Variants in ANK3 observed in about 807,000 individuals in gnomAD.
ANK3 encodes the protein ankyrin-3.
Under a neutral mutation model 370.9 loss-of-function variants are expected in ANK3, and 57 were observed. The observed-to-expected ratio is 0.15, with a 90% CI of 0.12 to 0.19. ANK3 has a LOEUF of 0.19. ANK3 is among the 10% of genes least tolerant of loss of function. ANK3 has a pLI of 1.00. For synonymous variants in ANK3, 1,929 were observed against 1,946.3 expected (o/e 0.99, Z 0.23); for missense variants, 4,439 against 5,302.1 (o/e 0.84, Z 5.06).
chr10:60,628,322 T>C (rs2078437817), intron 1 of ANK3, among the ~76,000 whole-genome samples: 3 of 152,308 alleles, frequency 2.0e-5, no homozygotes, highest in Middle Eastern at 3.4e-3. Flanking sequence ...TTTTATGACC[T>C]GACAACATCA....
intron 1 of ANK3, among the ~76,000 whole-genome samples, chr10:60,309,258 G>T (rs1188472571): frequency 2.6e-5 from 4 of 152,156 alleles, no homozygotes; most frequent in African/African-American, 9.7e-5. Context: ...ATCAAACTGT[G>T]CTCAGTGTAG....
chr10:60,167,779 G>T (rs1160746617), intron 21 of ANK3, among the ~76,000 whole-genome samples: 1 of 151,972 alleles, frequency 6.6e-6, no homozygotes, highest in Non-Finnish European at 1.5e-5. Flanking sequence ...CTAAAAAAAG[G>T]TACAAATTCA....
intron 2 of ANK3, among the ~76,000 whole-genome samples, chr10:60,395,624 C>CTTTCGT (rs60220666): frequency 0.037 from 2,257 of 60,276 alleles, 58 homozygotes; most frequent in African/African-American, 0.086. Flanking sequence ...TTCGTTCTCT[C>CTTTCGT]TCTCTCTCTC....
chr10:60,729,666 C>T (rs2079992880), intron 1 of ANK3, among the ~76,000 whole-genome samples: 1 of 152,138 alleles, frequency 6.6e-6, no homozygotes, highest in Non-Finnish European at 1.5e-5. Context: ...AGCTCTAACT[C>T]CAAACACTAG....
intron 7 of ANK3, among the ~76,000 whole-genome samples, chr10:60,246,117 A>G (rs1038168785): frequency 3.9e-5 from 6 of 152,038 alleles, no homozygotes; most frequent in African/African-American, 7.2e-5. Context: ...TTAGCCAGGC[A>G]TGGTGGTGTG....
At chr10:60,352,758 T>C (rs1188222316) in intron 1 of ANK3, among the ~76,000 whole-genome samples, 1 of 152,220 alleles carries the variant, frequency 6.6e-6, no homozygotes, top group Non-Finnish European at 1.5e-5. Flanking sequence ...TGTTGAGCCA[T>C]TTACTTTTCT....
intron 4 of ANK3, among the ~76,000 whole-genome samples, chr10:60,272,141 C>G: frequency 6.8e-6 from 1 of 148,114 alleles, no homozygotes; most frequent in Non-Finnish European, 1.5e-5. Flanking sequence ...GCCCATAGGT[C>G]CGTGTGTCTT....
intron 42 of ANK3, 67 bp from the exon 43 acceptor site, chr10:60,042,826 T>C: frequency 6.3e-7 from 1 of 1,590,818 alleles, no homozygotes; most frequent in Non-Finnish European, 8.5e-7. Flanking sequence ...CAGTCCATTC[T>C]GATCCTTGGA....
intron 2 of ANK3, among the ~76,000 whole-genome samples, chr10:60,576,575 C>A (rs377655141): frequency 1.3e-5 from 2 of 152,208 alleles, no homozygotes; most frequent in African/African-American, 4.8e-5. Flanking sequence ...AGCAGAAATG[C>A]CTATATGAAT....
chr10:60,308,731 G>A lies in ANK3; in HGVS notation c.115-29092C>T, dbSNP rs768594179. On this transcript the variant is annotated intron_variant, in intron 1 of 43. Coordinates refer to ENST00000280772, the MANE Select transcript of ANK3 (RefSeq NM_020987.5). ...CAGCCCCTACCATCCAAAACCCAGC[G>A]ATACACTGTCTAGGCAGGGGCACAT... Among the ~76,000 whole-genome samples the A allele has an allele frequency of 1.2e-3, 177 of 152,160 alleles. 1 individual carries two copies. The Middle Eastern group carries it at 0.017, about 15-fold the overall frequency.
At chr10:60,492,892 C>T (rs1323262406) in intron 2 of ANK3, among the ~76,000 whole-genome samples, 23 of 147,514 alleles carry the variant, frequency 1.6e-4, no homozygotes, top group South Asian at 8.9e-4. Context: ...CTGGTTAACA[C>T]GGTGAAACCC....
At chr10:60,548,398 T>G (rs188627739) in intron 2 of ANK3, among the ~76,000 whole-genome samples, 61 of 151,706 alleles carry the variant, frequency 4.0e-4, no homozygotes, top group Non-Finnish European at 8.1e-4. Flanking sequence ...GCGTGTTTTT[T>G]TTGTTGTTGT....
intron 8 of ANK3, among the ~76,000 whole-genome samples, chr10:60,226,368 G>GTATATGTAATACTATATAA (rs2097143040): frequency 2.0e-5 from 2 of 101,780 alleles, no homozygotes; most frequent in African/African-American, 8.5e-5. Context: ...ATATAATATA[G>GTATATGTAATACTATATAA]TAAATTATAG....
chr10:60,147,694 C>T (rs2094900449), intron 23 of ANK3, among the ~76,000 whole-genome samples: 2 of 152,032 alleles, frequency 1.3e-5, no homozygotes, highest in Non-Finnish European at 2.9e-5. Flanking sequence ...AGGTGAGGGG[C>T]ACCTCCCCTT....
At chr10:60,349,002 C>T (rs527420650) in intron 1 of ANK3, among the ~76,000 whole-genome samples, 1 of 152,272 alleles carries the variant, frequency 6.6e-6, no homozygotes, top group East Asian at 1.9e-4. Context: ...CCATTTCAGC[C>T]TCCCCAGCAT....
At chr10:60,564,406 C>T (rs2133254473) in intron 2 of ANK3, among the ~76,000 whole-genome samples, 1 of 152,240 alleles carries the variant, frequency 6.6e-6, no homozygotes, top group South Asian at 2.1e-4. Flanking sequence ...AGGTTATTTG[C>T]CTGTAGAGCA....
intron 2 of ANK3, among the ~76,000 whole-genome samples, chr10:60,582,748 G>A (rs1206110523): frequency 2.0e-5 from 3 of 151,586 alleles, no homozygotes; most frequent in African/African-American, 7.3e-5. Context: ...GCAAATATAT[G>A]TTCCCATTCC....
chr10:60,398,961 T>C (rs1567008148), intron 2 of ANK3, among the ~76,000 whole-genome samples: 3 of 152,192 alleles, frequency 2.0e-5, no homozygotes, highest in Admixed American at 6.5e-5. Flanking sequence ...AATTTCCTAT[T>C]ATATACGACA....
At chr10:60,158,600 T>C (rs1382857971) in intron 23 of ANK3, among the ~76,000 whole-genome samples, 1 of 151,810 alleles carries the variant, frequency 6.6e-6, no homozygotes, top group Non-Finnish European at 1.5e-5. Context: ...TTGCAAGTCT[T>C]ATGGTAAGCA....
Sources: allele counts gnomAD v4.1 joint callset (sites outside exome capture counted in the v4.1 genomes callset), GRCh38; gene constraint gnomAD v4.1.1; transcripts MANE v1.5; gene names NCBI Gene and HGNC (gene_info 2026-07-23, HGNC 2026-07-21).